AOAH: variants seen among roughly 807,000 people sequenced by gnomAD.
The protein encoded by AOAH is acyloxyacyl hydrolase, also known as acyloxyacyl hydrolase (neutrophil).
In AOAH, 64 loss-of-function variants were observed where a neutral mutation model predicts 92.2. That is an observed-to-expected ratio of 0.69 (90% CI 0.57 to 0.86). The LOEUF is 0.86. Among genes scored for constraint, AOAH ranks in the 40% least tolerant of loss-of-function variants. The probability of loss-of-function intolerance (pLI) is 0.00; values close to 1 mark genes in which losing one functional copy is unlikely to be tolerated. For synonymous variants in AOAH, 263 were observed against 254.5 expected (o/e 1.03, Z -0.32); for missense variants, 656 against 694.6 (o/e 0.94, Z 0.62).
chr7:36,610,842 C>T (rs1181274321), intron 11 of AOAH, among the ~76,000 whole-genome samples: 3 of 152,090 alleles, frequency 2.0e-5, no homozygotes, highest in African/African-American at 4.8e-5. Flanking sequence ...GACAAGAAGA[C>T]GCTCTGGATA....
At chr7:36,660,375 G>A (rs1324302994) in intron 3 of AOAH, among the ~76,000 whole-genome samples, 1 of 152,194 alleles carries the variant, frequency 6.6e-6, no homozygotes. Flanking sequence ...GAGTGCAGTG[G>A]AATAATCTCT....
chr7:36,527,553 A>G (rs1784467010), intron 19 of AOAH, among the ~76,000 whole-genome samples: 1 of 151,620 alleles, frequency 6.6e-6, no homozygotes, highest in Admixed American at 6.6e-5. Context: ...GGACATCAGG[A>G]GTGAAGGAGT....
chr7:36,532,073 C>A, intron 18 of AOAH, 74 bp downstream of exon 18: 1 of 1,549,846 alleles, frequency 6.5e-7, no homozygotes, highest in Non-Finnish European at 8.9e-7. Flanking sequence ...GATCCCATCC[C>A]CAGTGAAAAC....
intron 20 of AOAH, among the ~76,000 whole-genome samples, chr7:36,521,161 C>A (rs1279620839): frequency 6.6e-6 from 1 of 152,072 alleles, no homozygotes; most frequent in Admixed American, 6.5e-5. Flanking sequence ...GCGAGCATCC[C>A]CCAGGCATGC....
Position 36,724,253 on chromosome 7 carries a change from CCTCA to C in AOAH, c.-109_-106del. Reference sequence around the variant, plus strand: ...CAATTGATCTCTCTCTCCTTCTCTTCCTCACTCTCTTTGACACACACACCCCACC... The same window carrying C: ...CAATTGATCTCTCTCTCCTTCTCTTCCTCTCTTTGACACACACACCCCACC... On this transcript the variant is annotated 5_prime_UTR_variant, in exon 1 of 21. It removes the in-frame stop codon of an upstream open reading frame in the 5' UTR. Transcript: ENST00000617537. 7.2e-7 allele frequency: 1 copy of C among 1,392,524 alleles called. No individual in the cohort carries two copies. Among genetic ancestry groups the C allele is most frequent in the Non-Finnish European group, 1.0e-6 (1 of 1,001,708 alleles). 86.3% of individuals were successfully genotyped at this position (1,392,524 alleles called of 1,614,324 possible). A position where few individuals can be genotyped will look rare whatever the true frequency, so the allele number is the denominator to read the frequency against.
At position 36,587,271 on chromosome 7, in the gene AOAH, CAAAAAAA is replaced by C. The variant is rs57475443; in HGVS notation, c.938+7061_938+7067del. ...TGGGCAATAGAGAGAGACTCCGTCT[CAAAAAAA>C]AAAAAAAAAAAAAAGAAAGAAAGAA... On this transcript the variant is annotated intron_variant, in intron 12 of 20. Transcript: ENST00000617537. Among the ~76,000 whole-genome samples the C allele has an allele frequency of 8.3e-3, 703 of 84,940 alleles. 5 individuals carry two copies. The highest frequency in any genetic ancestry group is 0.028 in the African/African-American group (654 of 23,160). The allele number at this position is 84,940 out of a possible 152,430, so 55.7% of individuals were successfully genotyped here.
At chr7:36,633,652 G>T (rs1793305428) in intron 5 of AOAH, among the ~76,000 whole-genome samples, 1 of 152,140 alleles carries the variant, frequency 6.6e-6, no homozygotes, top group Non-Finnish European at 1.5e-5. Flanking sequence ...GGGAGCAGGG[G>T]CCTGGAGTGC....
At chr7:36,601,237 T>C (rs1255707994) in intron 11 of AOAH, among the ~76,000 whole-genome samples, 1 of 152,188 alleles carries the variant, frequency 6.6e-6, no homozygotes, top group Non-Finnish European at 1.5e-5. Flanking sequence ...AGAAAGTAAT[T>C]TAACTCTGTG....
chr7:36,560,672 T>C (rs1787197380), intron 13 of AOAH, among the ~76,000 whole-genome samples: 1 of 152,214 alleles, frequency 6.6e-6, no homozygotes, highest in Non-Finnish European at 1.5e-5. Flanking sequence ...AATCATATTG[T>C]AGTGAAGAGA....
intron 2 of AOAH, among the ~76,000 whole-genome samples, chr7:36,683,991 CT>C (rs1455305024): frequency 2.0e-5 from 3 of 150,920 alleles, no homozygotes; most frequent in Non-Finnish European, 4.4e-5. Flanking sequence ...AAGACTCTGT[CT>C]CAAAAAGAAA....
intron 4 of AOAH, among the ~76,000 whole-genome samples, chr7:36,641,866 C>G (rs1015686927): frequency 3.9e-5 from 6 of 152,128 alleles, no homozygotes; most frequent in African/African-American, 1.2e-4. Flanking sequence ...CTGAAAAATA[C>G]AGCCCTTTCC....
intron 3 of AOAH, among the ~76,000 whole-genome samples, chr7:36,664,580 T>C (rs1795426346): frequency 6.6e-6 from 1 of 152,188 alleles, no homozygotes; most frequent in Admixed American, 6.5e-5. Flanking sequence ...TCCTTCAATA[T>C]TGTGTCGACC....
At chr7:36,695,580 A>G (rs1202097071) in intron 1 of AOAH, among the ~76,000 whole-genome samples, 1 of 152,212 alleles carries the variant, frequency 6.6e-6, no homozygotes, top group Non-Finnish European at 1.5e-5. Flanking sequence ...GCAGTGGCTA[A>G]CCAGTGATTC....
chr7:36,714,867 T>C lies in AOAH; in HGVS notation c.127+9155A>G, dbSNP rs557443926. On this transcript the variant is annotated intron_variant, in intron 1 of 20. Coordinates refer to ENST00000617537, the MANE Select transcript of AOAH (RefSeq NM_001637.4). The stretch of plus-strand genomic sequence containing the variant: ...CTATCTATGACAAACCCACAGCCAA[T>C]ATCATACTGAATGGGCAAAAACTGG... Among the ~76,000 whole-genome samples, 17 of 152,226 alleles carry C rather than the reference T, an allele frequency of 1.1e-4. 1 individual carries two copies. The highest frequency in any genetic ancestry group is 8.3e-4 in the South Asian group (4 of 4,826).
intron 3 of AOAH, among the ~76,000 whole-genome samples, chr7:36,670,609 G>A (rs1005584126): frequency 9.2e-5 from 14 of 152,196 alleles, no homozygotes; most frequent in African/African-American, 3.4e-4. Flanking sequence ...CGAGTAGCTG[G>A]GACTACAGGC....
chr7:36,520,683 C>A (rs1784062955), intron 20 of AOAH, among the ~76,000 whole-genome samples: 2 of 137,066 alleles, frequency 1.5e-5, no homozygotes, highest in South Asian at 2.3e-4. Context: ...CCAGCCGGGG[C>A]AACAAGAGTG....
chr7:36,616,110 G>A (rs1240497418), intron 11 of AOAH, among the ~76,000 whole-genome samples: 1 of 152,204 alleles, frequency 6.6e-6, no homozygotes, highest in African/African-American at 2.4e-5. Context: ...GGTGGGCTTT[G>A]TCCTTTCTGT....
chr7:36,716,590 T>C, intron 1 of AOAH, among the ~76,000 whole-genome samples: 1 of 148,820 alleles, frequency 6.7e-6, no homozygotes, highest in Admixed American at 6.6e-5. Flanking sequence ...CCAACAATGA[T>C]AGACTGGATT....
At chr7:36,720,950 A>G (rs1212431860) in intron 1 of AOAH, among the ~76,000 whole-genome samples, 2 of 152,142 alleles carry the variant, frequency 1.3e-5, no homozygotes, top group African/African-American at 4.8e-5. Flanking sequence ...AAGAACTCCA[A>G]TCAACAATTC....
Sources: gnomAD v4.1 joint callset for allele counts (sites outside exome capture counted in the v4.1 genomes callset) on GRCh38, gnomAD v4.1.1 for gene constraint, MANE v1.5 for transcripts, NCBI Gene and HGNC (gene_info 2026-07-23, HGNC 2026-07-21) for gene names.